The following AKAP6 variants were observed in gnomAD, a reference collection of about 807,000 sequenced individuals.
AKAP6 encodes A-kinase anchor protein 6.
A neutral mutation model predicts 188.5 loss-of-function variants in AKAP6; 58 were observed. The observed-to-expected ratio is 0.31, with a 90% CI of 0.25 to 0.38. The LOEUF (loss-of-function observed/expected upper bound fraction) is 0.38, where lower values mean the gene tolerates loss of function less well. Ranked by LOEUF, AKAP6 falls within the 10% of genes least tolerant of loss-of-function variation. The pLI is 1.00. For missense variants in AKAP6, 2,710 were observed against 2,740.0 expected (o/e 0.99, Z 0.24); for synonymous variants, 989 against 998.6 (o/e 0.99, Z 0.18).
chr14:32,732,775 G>C (rs1014612489), intron 10 of AKAP6, 175 bp downstream of exon 10: 1 of 741,662 alleles, frequency 1.3e-6, no homozygotes, highest in African/African-American at 2.0e-5. Context: ...CTCTTCTGTT[G>C]ATTTTTTTTT....
chr14:32,799,017 G>A (rs1447008039), intron 12 of AKAP6, among the ~76,000 whole-genome samples: 1 of 152,160 alleles, frequency 6.6e-6, no homozygotes, highest in Non-Finnish European at 1.5e-5. Flanking sequence ...TGCTATTGTA[G>A]TAACTAAGTC....
Position 32,824,430 on chromosome 14 carries a change from A to C in AKAP6, c.6617A>C (p.Asp2206Ala). 6.2e-7 allele frequency: 1 copy of C among 1,613,938 alleles called. No individual in the cohort carries two copies. The highest frequency in any genetic ancestry group is 8.5e-7 in the Non-Finnish European group (1 of 1,179,954). The change falls in exon 13 of 14, where the codon GAT (aspartate) becomes GCT (alanine). Residue 2206 changes from aspartate (D) to alanine (A), a missense_variant. Physicochemically the swap from Asp to Ala is moderately radical, Grantham distance 126. Coordinates refer to ENST00000280979, the MANE Select transcript of AKAP6 (RefSeq NM_004274.5). ...TTCAGTGATAGTTCTCTTTCAGCTG[A>C]TGATGCAGATACAGTGGCTCTTTCA... is the stretch of plus-strand genomic sequence containing the variant. Reference protein sequence around the residue: ...SEFSDSSLSADDADTVALSSP... With the variant: ...SEFSDSSLSAADADTVALSSP...
chr14:32,795,914 C>G (rs903320412), intron 12 of AKAP6, among the ~76,000 whole-genome samples: 5 of 152,202 alleles, frequency 3.3e-5, no homozygotes, highest in Admixed American at 1.3e-4. Context: ...GCTCCATAAA[C>G]TGATAAGCAA....
intron 8 of AKAP6, among the ~76,000 whole-genome samples, chr14:32,686,280 G>C (rs1256284146): frequency 6.6e-6 from 1 of 152,178 alleles, no homozygotes; most frequent in East Asian, 1.9e-4. Context: ...ACAGTTACTA[G>C]AGACTGGGAA....
At chr14:32,698,228 G>T (rs1283003523) in intron 9 of AKAP6, among the ~76,000 whole-genome samples, 1 of 152,090 alleles carries the variant, frequency 6.6e-6, no homozygotes, top group African/African-American at 2.4e-5. Context: ...TTAATTTCAT[G>T]TCTTCTCAAG....
At chr14:32,588,321 T>C (rs1885340422) in intron 5 of AKAP6, among the ~76,000 whole-genome samples, 1 of 152,244 alleles carries the variant, frequency 6.6e-6, no homozygotes. Flanking sequence ...CCACAGTTTA[T>C]TTAATCATTT....
intron 2 of AKAP6, among the ~76,000 whole-genome samples, chr14:32,488,843 A>C (rs1446244711): frequency 6.6e-6 from 1 of 152,096 alleles, no homozygotes; most frequent in African/African-American, 2.4e-5. Context: ...GGCTACACCC[A>C]CTGTCTAACC....
At chr14:32,722,451 C>T (rs958966155) in intron 9 of AKAP6, among the ~76,000 whole-genome samples, 16 of 152,102 alleles carry the variant, frequency 1.1e-4, no homozygotes, top group African/African-American at 3.1e-4. Context: ...GCAAGGGCTC[C>T]ACCTTCAAGC....
At chr14:32,620,424 A>G (rs954581485) in intron 7 of AKAP6, among the ~76,000 whole-genome samples, 4 of 152,026 alleles carry the variant, frequency 2.6e-5, no homozygotes, top group African/African-American at 9.7e-5. Flanking sequence ...TGAGATGATC[A>G]TGTGGTTTTT....
chr14:32,649,049 T>G (rs1888100640), intron 7 of AKAP6, among the ~76,000 whole-genome samples: 1 of 152,146 alleles, frequency 6.6e-6, no homozygotes, highest in Non-Finnish European at 1.5e-5. Context: ...AATTGAAACC[T>G]TTTTCTGCTT....
chr14:32,532,622 G>A (rs1882473662), intron 2 of AKAP6, among the ~76,000 whole-genome samples: 1 of 152,186 alleles, frequency 6.6e-6, no homozygotes, highest in Non-Finnish European at 1.5e-5. Flanking sequence ...GCAGGATGGT[G>A]TGGAGTAGAT....
intron 1 of AKAP6, among the ~76,000 whole-genome samples, chr14:32,412,729 G>T (rs1246474297): frequency 6.6e-6 from 1 of 152,136 alleles, no homozygotes; most frequent in East Asian, 1.9e-4. Flanking sequence ...AAGTCTCCAG[G>T]AAATGATTCC....
intron 1 of AKAP6, among the ~76,000 whole-genome samples, chr14:32,355,422 T>C (rs1001979176): frequency 2.3e-5 from 3 of 131,016 alleles, no homozygotes; most frequent in Admixed American, 2.2e-4. Flanking sequence ...CTTGGTCTTG[T>C]TCTCATCCCA....
At chr14:32,713,298 A>G (rs2029995127) in intron 9 of AKAP6, among the ~76,000 whole-genome samples, 1 of 152,038 alleles carries the variant, frequency 6.6e-6, no homozygotes, top group Non-Finnish European at 1.5e-5. Context: ...TAGAGTTAGC[A>G]TAATTCTTAA....
intron 1 of AKAP6, among the ~76,000 whole-genome samples, chr14:32,351,965 C>T (rs1169751852): frequency 2.6e-5 from 4 of 151,852 alleles, no homozygotes; most frequent in Non-Finnish European, 5.9e-5. Flanking sequence ...GTGATTTGAA[C>T]TTGGGTTTGT....
chr14:32,486,312 T>C (rs958379376), intron 2 of AKAP6, among the ~76,000 whole-genome samples: 1 of 152,188 alleles, frequency 6.6e-6, no homozygotes, highest in Non-Finnish European at 1.5e-5. Flanking sequence ...CTTTTTTGGT[T>C]CCATATTAAA....
At chr14:32,453,666 C>G (rs1376059945) in intron 2 of AKAP6, among the ~76,000 whole-genome samples, 9 of 142,118 alleles carry the variant, frequency 6.3e-5, no homozygotes, top group South Asian at 2.3e-4. Context: ...GCGCGATCTC[C>G]GCTCACTGCA....
chr14:32,660,609 C>T (rs568845285), intron 7 of AKAP6, among the ~76,000 whole-genome samples: 1 of 151,934 alleles, frequency 6.6e-6, no homozygotes, highest in Non-Finnish European at 1.5e-5. Context: ...TCATTTGTTT[C>T]CCCCCAGGTT....
chr14:32,583,415 C>A (rs1378434918), intron 5 of AKAP6, among the ~76,000 whole-genome samples: 4 of 152,304 alleles, frequency 2.6e-5, no homozygotes, highest in East Asian at 3.9e-4. Context: ...GGGTGCCTCC[C>A]AGTTAGGCTG....
Sources: allele counts gnomAD v4.1 joint callset (sites outside exome capture counted in the v4.1 genomes callset), GRCh38; gene constraint gnomAD v4.1.1; transcripts MANE v1.5; gene names NCBI Gene and HGNC (gene_info 2026-07-23, HGNC 2026-07-21).